Variants in WDR64 observed in about 807,000 individuals in gnomAD.
WDR64 encodes the protein WD repeat-containing protein 64.
A neutral mutation model predicts 139.3 loss-of-function variants in WDR64; 112 were observed. That is an observed-to-expected ratio of 0.80 (90% CI 0.69 to 0.94). The LOEUF is 0.94. Among genes scored for constraint, WDR64 ranks in the 40% least tolerant of loss-of-function variants. WDR64 has a pLI of 0.00. For synonymous variants in WDR64, 444 were observed against 437.7 expected, an observed-to-expected ratio of 1.01 and a Z score of -0.18; for missense variants, 1,206 against 1,293.1, an observed-to-expected ratio of 0.93 and a Z score of 1.03.
intron 16 of WDR64, among the ~76,000 whole-genome samples, chr1:241,768,800 T>C (rs1193039062): frequency 6.6e-6 from 1 of 152,144 alleles, no homozygotes; most frequent in Non-Finnish European, 1.5e-5. Flanking sequence ...GCCTACAAAG[T>C]TCAGTGTTGA....
chr1:241,695,150 AT>A (rs1233658324), intron 8 of WDR64, among the ~76,000 whole-genome samples: 1 of 152,242 alleles, frequency 6.6e-6, no homozygotes, highest in African/African-American at 2.4e-5. Flanking sequence ...ATCATTCAAA[AT>A]TGAATTATAT....
Position 241,769,471 on chromosome 1 carries a change from A to G in WDR64, c.2149A>G (p.Ile717Val), listed in dbSNP as rs1453728349. 1 of 1,551,530 alleles carries G rather than the reference A, an allele frequency of 6.4e-7. No homozygotes were observed. The highest frequency in any genetic ancestry group is 1.2e-5 in the South Asian group (1 of 84,070). Residue 717 changes from isoleucine to valine, a missense_variant, in exon 17 of 28, where the codon ATA becomes GTA. Coordinates refer to ENST00000437684, the MANE Select transcript of WDR64 (RefSeq NM_001367482.1). ...LHPKHFKIND[I>V]LFLFRTPECA... is the part of the protein sequence containing the mutation. ...TCCCAAGCACTTTAAAATTAATGAC[A>G]TACTGTTCCTCTTTCGTACCCCTGA...
chr1:241,784,171 C>G (rs973800253), intron 23 of WDR64, among the ~76,000 whole-genome samples: 7 of 152,164 alleles, frequency 4.6e-5, no homozygotes, highest in Non-Finnish European at 8.8e-5. Context: ...ACACAGTGTC[C>G]AGGAGGCACT....
rs1303583740 is a variant in WDR64, at chr1:241,776,235, C to T, written c.2536+1025C>T. 3.3e-5 allele frequency among the ~76,000 whole-genome samples: 5 copies of T among 151,988 alleles called. No homozygotes were observed. In the East Asian group the frequency reaches 5.8e-4, roughly 18 times the overall value. ...CTGGGACTACAGGCATGCACCACCA[C>T]GCCCAGCTAATTTTTGTATTTTTAG... On this transcript the variant is annotated intron_variant, in intron 21 of 27. Transcript: ENST00000437684.
chr1:241,774,672 A>G (rs1048342175), intron 20 of WDR64, among the ~76,000 whole-genome samples: 1 of 152,206 alleles, frequency 6.6e-6, no homozygotes, highest in African/African-American at 2.4e-5. Flanking sequence ...AACAACTGAC[A>G]TACACTTAAA....
At chr1:241,739,949 T>A (rs1669471004) in intron 11 of WDR64, among the ~76,000 whole-genome samples, 1 of 151,450 alleles carries the variant, frequency 6.6e-6, no homozygotes, top group Non-Finnish European at 1.5e-5. Context: ...AGAAATGCTT[T>A]GTATTTTGTT....
At position 241,741,528 on chromosome 1, in the gene WDR64, T is replaced by C. The variant is rs779296130; in HGVS notation, c.1334T>C (p.Met445Thr). The C allele has an allele frequency of 6.4e-5, 103 of 1,607,468 alleles. No homozygotes were observed. The highest frequency in any genetic ancestry group is 1.7e-4 in the Middle Eastern group (1 of 6,054). The change falls in exon 12 of 28, where the codon ATG (methionine) becomes ACG (threonine). Residue 445 changes from methionine (M) to threonine (T), a missense_variant. Physicochemically the swap from Met to Thr is moderately conservative, Grantham distance 81. Coordinates refer to ENST00000437684, the MANE Select transcript of WDR64 (RefSeq NM_001367482.1). ...HGMLITGSSVMDMYPLTRMIQ... is the reference protein window; with the variant it reads ...HGMLITGSSVTDMYPLTRMIQ... ...ACTTCTGTTCCAGGATCTAGTGTTATGGACATGTATCCTTTGACTAGGATG... is the reference window on the plus strand; with the variant it reads ...ACTTCTGTTCCAGGATCTAGTGTTACGGACATGTATCCTTTGACTAGGATG...
intron 9 of WDR64, among the ~76,000 whole-genome samples, chr1:241,721,078 C>G (rs1200573453): frequency 6.6e-6 from 1 of 152,132 alleles, no homozygotes; most frequent in Non-Finnish European, 1.5e-5. Context: ...TTGTTTTGGT[C>G]AGGTTTGTTG....
At chr1:241,705,542 T>TAAAAA (rs1433451059) in intron 8 of WDR64, among the ~76,000 whole-genome samples, 10 of 66,392 alleles carry the variant, frequency 1.5e-4, no homozygotes, top group African/African-American at 6.0e-4. Flanking sequence ...ACTCTGTCTC[T>TAAAAA]AAAAAAATAA....
chr1:241,768,244 G>C (rs1451920205), intron 16 of WDR64, among the ~76,000 whole-genome samples: 3 of 152,130 alleles, frequency 2.0e-5, no homozygotes, highest in African/African-American at 7.2e-5. Flanking sequence ...CTTTCCTATA[G>C]GCAGATGATT....
intron 10 of WDR64, among the ~76,000 whole-genome samples, chr1:241,730,103 A>C (rs79511136): frequency 0.035 from 5,350 of 152,320 alleles, 319 homozygotes; most frequent in African/African-American, 0.12. Flanking sequence ...GGAAGAAAAA[A>C]TAAAAACTAA....
chr1:241,750,344 C>T (rs968910611), intron 14 of WDR64, among the ~76,000 whole-genome samples: 1 of 152,146 alleles, frequency 6.6e-6, no homozygotes, highest in African/African-American at 2.4e-5. Flanking sequence ...GAACTCATTG[C>T]CTTTACCCTT....
intron 2 of WDR64, among the ~76,000 whole-genome samples, chr1:241,665,162 G>A (rs10926530): frequency 2.6e-5 from 4 of 152,134 alleles, no homozygotes; most frequent in African/African-American, 9.6e-5. Context: ...AAAAACTCAT[G>A]GCCAGCTTCT....
At position 241,766,342 on chromosome 1, in the gene WDR64, T is replaced by C; in HGVS notation, c.2072T>C (p.Val691Ala). The C allele has an allele frequency of 6.2e-7, 1 of 1,613,566 alleles. No homozygotes were observed. The highest frequency in any genetic ancestry group is 8.5e-7 in the Non-Finnish European group (1 of 1,179,826). The change falls in exon 16 of 28, where the codon GTC becomes GCC. Residue 691 changes from valine to alanine, a missense_variant. By Grantham distance (64) the Val-to-Ala change is moderately conservative. Transcript: ENST00000437684. The stretch of plus-strand genomic sequence containing the variant: ...TTATGGAATTTTGTGACGTCTACTG[T>C]CAAAAAAGTGTAAGTTGTGTATTAT... Reference protein sequence around the residue: ...IILWNFVTSTVKKVYRPEDCF... With the variant: ...IILWNFVTSTAKKVYRPEDCF...
At chr1:241,735,646 T>C (rs1022074130) in intron 10 of WDR64, among the ~76,000 whole-genome samples, 1 of 150,664 alleles carries the variant, frequency 6.6e-6, no homozygotes, top group Admixed American at 6.7e-5. Flanking sequence ...GCGATTCTCC[T>C]GTCTCAGCCT....
rs530550472 is a variant in WDR64, at chr1:241,785,903, G to A, written c.2706-1946G>A. Among the ~76,000 whole-genome samples, 11 of 152,340 alleles carry A rather than the reference G, an allele frequency of 7.2e-5. No homozygotes were observed. In the South Asian group the frequency reaches 2.1e-3, roughly 29 times the overall value. On this transcript the variant is annotated intron_variant, in intron 23 of 27. Coordinates refer to ENST00000437684, the MANE Select transcript of WDR64 (RefSeq NM_001367482.1). ...TCAAGGTAGCTAAGGTTCTGTATCT[G>A]AGGCCCAGGAAATCAAGCTGGGAAG...
At chr1:241,776,143 A>G (rs970319246) in intron 21 of WDR64, among the ~76,000 whole-genome samples, 1 of 151,964 alleles carries the variant, frequency 6.6e-6, no homozygotes, top group East Asian at 1.9e-4. Context: ...CAGTAGTGCA[A>G]TCCTGGCTCA....
chr1:241,732,772 A>G (rs1392533487), intron 10 of WDR64, among the ~76,000 whole-genome samples: 5 of 152,050 alleles, frequency 3.3e-5, no homozygotes, highest in Admixed American at 3.3e-4. Flanking sequence ...GTGAGCTGAA[A>G]TGGTGCCATT....
intron 10 of WDR64, among the ~76,000 whole-genome samples, chr1:241,734,073 C>G (rs1167811995): frequency 6.6e-6 from 1 of 152,136 alleles, no homozygotes; most frequent in Non-Finnish European, 1.5e-5. Flanking sequence ...CCATTCTATG[C>G]AAAGTCATCC....
Sources: allele counts gnomAD v4.1 joint callset (sites outside exome capture counted in the v4.1 genomes callset), GRCh38; gene constraint gnomAD v4.1.1; transcripts MANE v1.5; gene names NCBI Gene and HGNC (gene_info 2026-07-23, HGNC 2026-07-21).